Variants in UTRN observed in about 807,000 individuals in gnomAD.
UTRN encodes the protein dystrophin-related protein 1.
In UTRN, 283 loss-of-function variants were observed where a neutral mutation model predicts 463.9. The observed-to-expected ratio is 0.61, with a 90% CI of 0.55 to 0.67. The LOEUF is 0.67. Among genes scored for constraint, UTRN ranks in the 30% least tolerant of loss-of-function variants. UTRN has a pLI of 0.00. For synonymous variants in UTRN, 1,442 were observed against 1,431.5 expected (o/e 1.01, Z -0.17); for missense variants, 3,922 against 4,084.3 (o/e 0.96, Z 1.08).
At chr6:144,523,263 A>G (rs1224921831) in intron 41 of UTRN, 75 bp downstream of exon 41, 2 of 1,162,382 alleles carry the variant, frequency 1.7e-6, no homozygotes, top group Non-Finnish European at 2.3e-6. Flanking sequence ...GATCATGTGG[A>G]CACTGAGATT....
intron 66 of UTRN, among the ~76,000 whole-genome samples, chr6:144,822,313 T>C (rs1400505540): frequency 1.3e-5 from 2 of 152,076 alleles, no homozygotes; most frequent in African/African-American, 4.8e-5. Context: ...AGCCAAAGCA[T>C]AGGAGATACC....
At chr6:144,772,126 C>T (rs984275820) in intron 59 of UTRN, among the ~76,000 whole-genome samples, 158 bp downstream of exon 59, 15 of 144,474 alleles carry the variant, frequency 1.0e-4, no homozygotes, top group Admixed American at 5.9e-4. Flanking sequence ...CTCTGCCTCC[C>T]GGATTCAAGC....
At chr6:144,607,408 C>G (rs999192332) in intron 51 of UTRN, among the ~76,000 whole-genome samples, 1 of 152,174 alleles carries the variant, frequency 6.6e-6, no homozygotes, top group African/African-American at 2.4e-5. Context: ...TCTCAATATT[C>G]TCTAAACATC....
chr6:144,564,551 G>A (rs192812163), intron 50 of UTRN, among the ~76,000 whole-genome samples: 2 of 152,288 alleles, frequency 1.3e-5, no homozygotes, highest in East Asian at 3.9e-4. Flanking sequence ...AAAGGAAAGA[G>A]TTTTAACTGA....
intron 51 of UTRN, among the ~76,000 whole-genome samples, chr6:144,624,527 C>T (rs1444898514): frequency 2.6e-5 from 4 of 151,904 alleles, no homozygotes; most frequent in Admixed American, 6.6e-5. Flanking sequence ...CATGGGTGTG[C>T]GAGAGGGGAG....
Position 144,789,178 on chromosome 6 carries a change from A to T in UTRN, c.8835-16A>T, listed in dbSNP as rs752694090. 7 of 1,603,422 alleles carry T rather than the reference A, an allele frequency of 4.4e-6. No homozygotes were observed. Among genetic ancestry groups the T allele is most frequent in the East Asian group, 2.2e-5 (1 of 44,700 alleles). ...TTTTAAATGCATCTAACACATTAAC[A>T]TTCTTATAATTTTAGGGGTCGAACT... On this transcript the variant is annotated splice_polypyrimidine_tract_variant and intron_variant, in intron 61 of 74. Transcript: ENST00000367545.
intron 74 of UTRN, among the ~76,000 whole-genome samples, chr6:144,847,968 C>A (rs1283841139): frequency 6.6e-6 from 1 of 152,138 alleles, no homozygotes; most frequent in Non-Finnish European, 1.5e-5. Context: ...GTTTACTAAT[C>A]TTTTTGAAAC....
chr6:144,631,875 A>G (rs1473439569), intron 51 of UTRN, among the ~76,000 whole-genome samples: 3 of 152,200 alleles, frequency 2.0e-5, no homozygotes, highest in African/African-American at 7.2e-5. Flanking sequence ...AAATTAATTT[A>G]GAGGGAATGG....
At chr6:144,834,725 A>G (rs1349633964) in intron 69 of UTRN, among the ~76,000 whole-genome samples, 1 of 152,202 alleles carries the variant, frequency 6.6e-6, no homozygotes, top group Non-Finnish European at 1.5e-5. Context: ...TCTGGCTGCA[A>G]CAGGATGCTG....
chr6:144,610,947 G>GA (rs1447226093), intron 51 of UTRN, among the ~76,000 whole-genome samples: 1 of 152,052 alleles, frequency 6.6e-6, no homozygotes, highest in Non-Finnish European at 1.5e-5. Flanking sequence ...GAATACAGGT[G>GA]AAAAAACCCT....
chr6:144,422,029 C>A, intron 4 of UTRN, 59 bp downstream of exon 4: 1 of 1,414,526 alleles, frequency 7.1e-7, no homozygotes, highest in Non-Finnish European at 9.8e-7. Context: ...ACTTGATGAC[C>A]CAGTGTGGGT....
At chr6:144,799,905 A>G (rs1228713285) in intron 64 of UTRN, among the ~76,000 whole-genome samples, 2 of 152,236 alleles carry the variant, frequency 1.3e-5, no homozygotes, top group Non-Finnish European at 2.9e-5. Flanking sequence ...TTAGATTTTT[A>G]GGAGAGAGAG....
intron 2 of UTRN, among the ~76,000 whole-genome samples, chr6:144,391,033 C>A (rs1161365058): frequency 6.6e-6 from 1 of 150,968 alleles, no homozygotes; most frequent in Non-Finnish European, 1.5e-5. Flanking sequence ...AAATATAAAA[C>A]TTAAGACAAC....
chr6:144,596,363 G>T (rs554570734), intron 51 of UTRN, among the ~76,000 whole-genome samples: 1 of 152,186 alleles, frequency 6.6e-6, no homozygotes, highest in Admixed American at 6.5e-5. Flanking sequence ...TTTCCTGTGG[G>T]TATTGAAATG....
intron 51 of UTRN, among the ~76,000 whole-genome samples, chr6:144,623,938 T>C (rs1248831341): frequency 1.3e-5 from 2 of 152,148 alleles, no homozygotes; most frequent in East Asian, 3.8e-4. Flanking sequence ...AGAAGACAAG[T>C]AGAAGAAAGT....
chr6:144,573,600 G>A (rs898591659), intron 50 of UTRN, among the ~76,000 whole-genome samples: 1 of 152,044 alleles, frequency 6.6e-6, no homozygotes, highest in African/African-American at 2.4e-5. Context: ...GGAGGCTGAG[G>A]CAGGAGAATT....
chr6:144,681,832 A>T (rs1256639763), intron 52 of UTRN, among the ~76,000 whole-genome samples: 1 of 151,946 alleles, frequency 6.6e-6, no homozygotes, highest in Non-Finnish European at 1.5e-5. Context: ...AAATTTTTTT[A>T]ATTTTATTTT....
intron 3 of UTRN, among the ~76,000 whole-genome samples, chr6:144,412,218 A>G (rs1463737653): frequency 6.6e-6 from 1 of 152,220 alleles, no homozygotes; most frequent in Non-Finnish European, 1.5e-5. Context: ...TGTTTTATGC[A>G]GTAATACATA....
At chr6:144,592,580 A>G (rs1803207305) in intron 51 of UTRN, among the ~76,000 whole-genome samples, 3 of 152,098 alleles carry the variant, frequency 2.0e-5, no homozygotes, top group Admixed American at 2.0e-4. Flanking sequence ...CATGTTGGCC[A>G]TGATAGTCTC....
Sources: gnomAD v4.1 joint callset for allele counts (sites outside exome capture counted in the v4.1 genomes callset) on GRCh38, gnomAD v4.1.1 for gene constraint, MANE v1.5 for transcripts, NCBI Gene and HGNC (gene_info 2026-07-23, HGNC 2026-07-21) for gene names.